PKHD1: variants seen among roughly 807,000 people sequenced by gnomAD.
PKHD1 encodes the protein PKHD1 ciliary IPT domain containing fibrocystin/polyductin, also known as fibrocystin.
PKHD1 carries 291 observed loss-of-function variants against 412.0 expected under a neutral mutation model. The ratio of observed to expected loss-of-function variants is 0.71; its 90% CI spans 0.64 to 0.78. The LOEUF is 0.78. PKHD1 is among the 30% of genes least tolerant of loss of function. PKHD1 has a pLI of 0.00. For missense variants in PKHD1, 4,825 were observed against 4,950.7 expected (o/e 0.97, Z 0.76); for synonymous variants, 1,777 against 1,821.5 (o/e 0.98, Z 0.62).
Position 51,703,347 on chromosome 6 carries a change from A to G in PKHD1, c.10156+41038T>C, listed in dbSNP as rs148996192. On this transcript the variant is annotated intron_variant, in intron 60 of 66. Transcript: ENST00000371117. ...TTTGCTTGAATCAGAAGGGACTGTG[A>G]GGATACAGTCAAGAAGTACTTTATT... Among the ~76,000 whole-genome samples, 341 of 152,106 alleles carry G rather than the reference A, an allele frequency of 2.2e-3. 3 individuals are homozygous for G. The highest frequency in any genetic ancestry group is 7.9e-3 in the African/African-American group (330 of 41,538).
At chr6:52,034,061 G>A (rs2435330) in intron 28 of PKHD1, among the ~76,000 whole-genome samples, 69,160 of 151,516 alleles carry the variant, frequency 0.46, 17,490 homozygotes, top group Admixed American at 0.58. Context: ...CCCGGGAGGT[G>A]GAGGTTGCAG....
At chr6:51,758,055 A>AC (rs1787363669) in intron 55 of PKHD1, among the ~76,000 whole-genome samples, 1 of 151,552 alleles carries the variant, frequency 6.6e-6, no homozygotes, top group African/African-American at 2.4e-5. Context: ...AGAGAGAGAA[A>AC]ACAAAGCAAA....
At chr6:51,761,368 A>T (rs1787981217) in intron 55 of PKHD1, among the ~76,000 whole-genome samples, 1 of 152,110 alleles carries the variant, frequency 6.6e-6, no homozygotes, top group South Asian at 2.1e-4. Flanking sequence ...ATGCAGAATC[A>T]AAAAGAGTGG....
At position 51,870,697 on chromosome 6, in the gene PKHD1, A is replaced by G. The variant is rs959670512; in HGVS notation, c.7351-58T>C. 5.4e-6 allele frequency: 7 copies of G among 1,307,920 alleles called. No individual in the cohort carries two copies. The African/African-American group carries it at 5.8e-5, about 11-fold the overall frequency. The allele number at this position is 1,307,920 out of a possible 1,614,324, so 81.0% of individuals were successfully genotyped here. ...AATAAGAAAACTGGACACATGAAAT[A>G]CAATTCATAATGCATGAATAAAAAC... On this transcript the variant is annotated intron_variant, in intron 46 of 66. Transcript: ENST00000371117.
At chr6:51,972,644 T>G (rs1793834992) in intron 35 of PKHD1, among the ~76,000 whole-genome samples, 1 of 152,356 alleles carries the variant, frequency 6.6e-6, no homozygotes, top group Non-Finnish European at 1.5e-5. Context: ...AGCCAGGAAC[T>G]GTGGGACCTA....
chr6:51,918,655 A>G (rs1216235347), intron 37 of PKHD1, among the ~76,000 whole-genome samples: 1 of 152,194 alleles, frequency 6.6e-6, no homozygotes, highest in Non-Finnish European at 1.5e-5. Context: ...CAATAAACAT[A>G]CGTGTGCATG....
chr6:51,830,025 T>C (rs1017950630), intron 52 of PKHD1, among the ~76,000 whole-genome samples: 2 of 152,184 alleles, frequency 1.3e-5, no homozygotes, highest in African/African-American at 4.8e-5. Context: ...TGGAAAACAG[T>C]TCCCGGCACA....
intron 66 of PKHD1, among the ~76,000 whole-genome samples, chr6:51,620,330 G>T (rs2150245405): frequency 6.6e-6 from 1 of 152,218 alleles, no homozygotes; most frequent in Non-Finnish European, 1.5e-5. Context: ...ATAAACAGAT[G>T]ATCTAGGCAC....
intron 34 of PKHD1, among the ~76,000 whole-genome samples, chr6:52,011,701 T>C (rs972667795): frequency 6.6e-6 from 1 of 152,256 alleles, no homozygotes; most frequent in Admixed American, 6.5e-5. Context: ...CTAGAAATAA[T>C]GAGCAGGATA....
rs58415532 is a variant in PKHD1, at chr6:51,915,904, G to A, written c.6122-3328C>T. On this transcript the variant is annotated intron_variant, in intron 37 of 66. Transcript: ENST00000371117. ...CAAGCAAGCAGAACTGCTAAAAAGGGGAGAAGGTTTTGTGAGAGTTGGGGG... is the reference window on the plus strand; with the variant it reads ...CAAGCAAGCAGAACTGCTAAAAAGGAGAGAAGGTTTTGTGAGAGTTGGGGG... 1.2e-3 allele frequency among the ~76,000 whole-genome samples: 182 copies of A among 152,128 alleles called. 2 individuals are homozygous for A. Among genetic ancestry groups the A allele is most frequent in the African/African-American group, 4.2e-3 (176 of 41,494 alleles).
intron 60 of PKHD1, among the ~76,000 whole-genome samples, chr6:51,739,342 T>G (rs1311752821): frequency 6.6e-6 from 1 of 152,034 alleles, no homozygotes; most frequent in Non-Finnish European, 1.5e-5. Flanking sequence ...GCGATTTTCA[T>G]CCCTCAGCCT....
chr6:52,054,053 C>G lies in PKHD1; in HGVS notation c.1949G>C (p.Arg650Thr). The G allele has an allele frequency of 1.2e-6, 2 of 1,613,906 alleles. No individual in the cohort carries two copies. The highest frequency in any genetic ancestry group is 1.7e-6 in the Non-Finnish European group (2 of 1,179,836). The change falls in exon 20 of 67, where the codon AGG becomes ACG. Residue 650 changes from arginine to threonine, a missense_variant. Physicochemically the swap from Arg to Thr is moderately conservative, Grantham distance 71 (BLOSUM62 -1). Coordinates refer to ENST00000371117, the MANE Select transcript of PKHD1 (RefSeq NM_138694.4). ...GATTAGCTACCTCTCGGGGCTGGTCCTCGTGAGACTCCAGTCACAGGTGGT... is the reference window on the plus strand; with the variant it reads ...GATTAGCTACCTCTCGGGGCTGGTCGTCGTGAGACTCCAGTCACAGGTGGT... ...KNTTCDWSLT[R>T]TSPESWQFDC...
chr6:51,990,931 G>A (rs1485389106), intron 35 of PKHD1, among the ~76,000 whole-genome samples: 1 of 152,094 alleles, frequency 6.6e-6, no homozygotes, highest in Non-Finnish European at 1.5e-5. Context: ...CTGCAAAATG[G>A]AGCTAATACT....
intron 35 of PKHD1, among the ~76,000 whole-genome samples, chr6:52,003,313 T>A (rs541289870): frequency 1.4e-4 from 21 of 152,326 alleles, no homozygotes; most frequent in Non-Finnish European, 2.5e-4. Context: ...TGTGGAGTCT[T>A]GGTCTTGTCA....
chr6:51,805,381 G>T (rs1446759061), intron 52 of PKHD1, among the ~76,000 whole-genome samples: 1 of 152,136 alleles, frequency 6.6e-6, no homozygotes, highest in Non-Finnish European at 1.5e-5. Flanking sequence ...GCTAGAGACG[G>T]AAAGAAGGGA....
intron 14 of PKHD1, among the ~76,000 whole-genome samples, chr6:52,061,063 C>T (rs992852095): frequency 1.5e-4 from 23 of 152,304 alleles, no homozygotes; most frequent in African/African-American, 5.5e-4. Flanking sequence ...CTCCTTAACA[C>T]TCCCAAATAC....
At chr6:51,809,778 T>C (rs1295836910) in intron 52 of PKHD1, among the ~76,000 whole-genome samples, 3 of 152,046 alleles carry the variant, frequency 2.0e-5, no homozygotes, top group Non-Finnish European at 4.4e-5. Context: ...CATTTTCTAA[T>C]TAGTGATTGC....
chr6:51,951,390 G>C (rs957094566), intron 36 of PKHD1, among the ~76,000 whole-genome samples: 3 of 152,004 alleles, frequency 2.0e-5, no homozygotes, highest in Admixed American at 6.6e-5. Flanking sequence ...AATCCCCCTA[G>C]CTACTAAGTT....
chr6:51,814,861 C>A (rs776299245), intron 52 of PKHD1, among the ~76,000 whole-genome samples: 2 of 152,188 alleles, frequency 1.3e-5, no homozygotes, highest in Non-Finnish European at 2.9e-5. Flanking sequence ...GAACCCACCC[C>A]CTCCTTGCAT....
Sources: allele counts gnomAD v4.1 joint callset (sites outside exome capture counted in the v4.1 genomes callset), GRCh38; gene constraint gnomAD v4.1.1; transcripts MANE v1.5; gene names NCBI Gene and HGNC (gene_info 2026-07-23, HGNC 2026-07-21).